Variants in BMPR1A observed in about 807,000 individuals in gnomAD.
The protein encoded by BMPR1A is bone morphogenetic protein receptor type-1A.
BMPR1A carries 7 observed loss-of-function variants against 66.0 expected under a neutral mutation model. That is an observed-to-expected ratio of 0.11 (90% confidence interval 0.06 to 0.20). The LOEUF is 0.20. Among genes scored for constraint, BMPR1A ranks in the 10% least tolerant of loss-of-function variants. The pLI is 1.00. For synonymous variants in BMPR1A, 200 were observed against 229.7 expected (o/e 0.87, Z 1.17); for missense variants, 408 against 669.1 (o/e 0.61, Z 4.31).
chr10:86,908,497 T>A (rs1183078415), intron 7 of BMPR1A, among the ~76,000 whole-genome samples: 1 of 152,190 alleles, frequency 6.6e-6, no homozygotes, highest in Non-Finnish European at 1.5e-5. Context: ...GTGCCTTCAA[T>A]GCCTCACAAG....
At chr10:86,828,877 C>G (rs574724913) in intron 1 of BMPR1A, among the ~76,000 whole-genome samples, 15 of 152,156 alleles carry the variant, frequency 9.9e-5, no homozygotes, top group South Asian at 2.1e-4. Context: ...ATTTAAATGT[C>G]TTGTTAGGTT....
At chr10:86,882,659 TA>T (rs1291690462) in intron 3 of BMPR1A, among the ~76,000 whole-genome samples, 6 of 144,914 alleles carry the variant, frequency 4.1e-5, no homozygotes, top group African/African-American at 1.6e-4. Flanking sequence ...AAACTACTTT[TA>T]GGAAAAAAAA....
chr10:86,758,942 G>A (rs1589701424), intron 1 of BMPR1A, among the ~76,000 whole-genome samples: 1 of 152,204 alleles, frequency 6.6e-6, no homozygotes, highest in Non-Finnish European at 1.5e-5. Flanking sequence ...AGGGTCCAAG[G>A]CAGTAAGATA....
rs1554891680 is a variant in BMPR1A, at chr10:86,923,704, A to C, written c.1584A>C (p.Gln528His). The C allele has an allele frequency of 1.9e-6, 3 of 1,613,804 alleles. No individual in the cohort carries two copies. In the East Asian group the frequency reaches 6.7e-5, roughly 36 times the overall value. ...KKTLAKMVESQDVKI is the reference protein window; with the variant it reads ...KKTLAKMVESHDVKI ...CGCTTGCCAAGATGGTTGAATCCCA[A>C]GATGTAAAAATCTGATGGTTAAACC... The change falls in exon 13 of 13, where the codon CAA (glutamine) becomes CAC (histidine). Residue 528 changes from glutamine (Q) to histidine (H), a missense_variant. This residue lies in a region of BMPR1A where 130 missense variants were observed against 257.3 expected (regional missense o/e 0.51). Transcript: ENST00000372037.
intron 10 of BMPR1A, among the ~76,000 whole-genome samples, chr10:86,920,903 T>C (rs912356092): frequency 2.0e-5 from 3 of 148,792 alleles, no homozygotes; most frequent in African/African-American, 5.0e-5. Context: ...TTGCCCAGGC[T>C]GGAGTGCAGT....
rs1843724121 is a variant in BMPR1A at position 86,925,270 on chromosome 10, T to G, written c.*1551T>G. On this transcript the variant is annotated 3_prime_UTR_variant, in exon 13 of 13. Coordinates refer to ENST00000372037, the MANE Select transcript of BMPR1A (RefSeq NM_004329.3). Reference sequence around the variant, plus strand: ...TTAAATATTTATTCTGAGCAAACAATTCATGAGTACATCAAGTGAGATAGT... The same window carrying G: ...TTAAATATTTATTCTGAGCAAACAAGTCATGAGTACATCAAGTGAGATAGT... The G allele has an allele frequency of 4.5e-6, 1 of 223,958 alleles. No individual in the cohort carries two copies. Among genetic ancestry groups the G allele is most frequent in the African/African-American group, 2.2e-5 (1 of 44,890 alleles). The allele number at this position is 223,958 out of a possible 1,614,324, so 13.9% of individuals were successfully genotyped here. A position where few individuals can be genotyped will look rare whatever the true frequency, so the allele number is the denominator to read the frequency against.
At chr10:86,841,538 GAAT>G (rs949408707) in intron 2 of BMPR1A, among the ~76,000 whole-genome samples, 1 of 152,212 alleles carries the variant, frequency 6.6e-6, no homozygotes, top group Non-Finnish European at 1.5e-5. Context: ...CTTGATGGAT[GAAT>G]AGAAGATTGC....
intron 1 of BMPR1A, among the ~76,000 whole-genome samples, chr10:86,769,468 C>A (rs1412268582): frequency 1.3e-5 from 2 of 152,214 alleles, no homozygotes; most frequent in Non-Finnish European, 2.9e-5. Context: ...TCCTCATTCA[C>A]TCAGAGTGGA....
At chr10:86,919,574 G>A in intron 10 of BMPR1A, 105 bp downstream of exon 10, 1 of 1,442,526 alleles carries the variant, frequency 6.9e-7, no homozygotes, top group Non-Finnish European at 9.6e-7. Flanking sequence ...GCATATGCTT[G>A]TTTTTAGTTA....
chr10:86,875,733 A>C (rs1261256823), intron 2 of BMPR1A, 134 bp from the exon 3 acceptor site: 1 of 465,780 alleles, frequency 2.1e-6, no homozygotes, highest in Non-Finnish European at 3.8e-6. Context: ...AAAAAAAAGC[A>C]AGGATACCTT....
chr10:86,760,246 TTC>T (rs1452473612), intron 1 of BMPR1A, among the ~76,000 whole-genome samples: 2,256 of 71,870 alleles, frequency 0.031, 70 homozygotes, highest in East Asian at 0.085. Flanking sequence ...CTTTCTTTCT[TTC>T]TTTTTTTTTT....
At chr10:86,918,199 A>G (rs538638538) in intron 9 of BMPR1A, among the ~76,000 whole-genome samples, 20 of 152,156 alleles carry the variant, frequency 1.3e-4, no homozygotes, top group Non-Finnish European at 2.9e-4. Flanking sequence ...GGCCCACGCT[A>G]ATCCTGTATG....
intron 1 of BMPR1A, among the ~76,000 whole-genome samples, chr10:86,793,164 G>T (rs1260222806): frequency 1.4e-5 from 2 of 141,040 alleles, no homozygotes; most frequent in Non-Finnish European, 3.0e-5. Context: ...AAGTTAGCTG[G>T]ATTTATGTTT....
At chr10:86,798,099 G>A (rs1179052284) in intron 1 of BMPR1A, among the ~76,000 whole-genome samples, 2 of 152,022 alleles carry the variant, frequency 1.3e-5, no homozygotes, top group African/African-American at 4.8e-5. Context: ...CTTCATTTAA[G>A]GTCATGGATG....
At chr10:86,802,121 CAGT>C (rs1181273879) in intron 1 of BMPR1A, among the ~76,000 whole-genome samples, 12 of 152,154 alleles carry the variant, frequency 7.9e-5, no homozygotes, top group Admixed American at 7.9e-4. Flanking sequence ...TTTACTCTCT[CAGT>C]AGCATTTGGC....
intron 1 of BMPR1A, among the ~76,000 whole-genome samples, chr10:86,762,933 G>T (rs1210876552): frequency 6.6e-6 from 1 of 152,088 alleles, no homozygotes; most frequent in Admixed American, 6.5e-5. Flanking sequence ...GTCTCACTCT[G>T]TCGCCCAGGC....
At chr10:86,869,568 C>A (rs1483448970) in intron 2 of BMPR1A, among the ~76,000 whole-genome samples, 1 of 151,544 alleles carries the variant, frequency 6.6e-6, no homozygotes, top group Admixed American at 6.6e-5. Flanking sequence ...ACCAGCCTGA[C>A]CAACATGGAG....
intron 1 of BMPR1A, among the ~76,000 whole-genome samples, chr10:86,817,682 C>T (rs1456738652): frequency 6.6e-6 from 1 of 152,146 alleles, no homozygotes; most frequent in Non-Finnish European, 1.5e-5. Context: ...TCAGAATAGA[C>T]CTGTAACTAG....
rs1044583204 is a variant in BMPR1A, at chr10:86,783,641, T to G, written c.-268+26722T>G. Among the ~76,000 whole-genome samples the G allele has an allele frequency of 4.6e-5, 7 of 152,308 alleles. No homozygotes were observed. In the East Asian group the frequency reaches 1.4e-3, roughly 29 times the overall value. On this transcript the variant is annotated intron_variant, in intron 1 of 12. Coordinates refer to ENST00000372037, the MANE Select transcript of BMPR1A (RefSeq NM_004329.3). ...TCTCGTTCTGTCACCCAGGTTGGAGTGCAGTGGCGTGATCATGGCTCACTG... is the reference window on the plus strand; with the variant it reads ...TCTCGTTCTGTCACCCAGGTTGGAGGGCAGTGGCGTGATCATGGCTCACTG...
Sources: gnomAD v4.1 joint callset for allele counts (sites outside exome capture counted in the v4.1 genomes callset) on GRCh38, gnomAD v4.1.1 for gene constraint, gnomAD v4.1.1 regional missense constraint, MANE v1.5 for transcripts, NCBI Gene and HGNC (gene_info 2026-07-23, HGNC 2026-07-21) for gene names.